SIPA1L1: variants seen among roughly 807,000 people sequenced by gnomAD.
The protein encoded by SIPA1L1 is signal induced proliferation associated 1 like 1, also known as signal-induced proliferation-associated 1-like protein 1.
A neutral mutation model predicts 162.7 loss-of-function variants in SIPA1L1; 26 were observed. The ratio of observed to expected loss-of-function variants is 0.16; its 90% CI spans 0.12 to 0.22. The LOEUF (loss-of-function observed/expected upper bound fraction) is 0.22. Among genes scored for constraint, SIPA1L1 ranks in the 10% least tolerant of loss-of-function variants. SIPA1L1 has a pLI of 1.00. For missense variants in SIPA1L1, 1,874 were observed against 2,241.0 expected (o/e 0.84, Z 3.31); for synonymous variants, 829 against 837.4 (o/e 0.99, Z 0.17).
intron 2 of SIPA1L1, among the ~76,000 whole-genome samples, chr14:71,454,800 A>T (rs569562764): frequency 2.0e-5 from 3 of 152,366 alleles, no homozygotes; most frequent in African/African-American, 4.8e-5. Context: ...TGAAGATCAG[A>T]TAAAGCACAC....
intron 7 of SIPA1L1, among the ~76,000 whole-genome samples, chr14:71,640,455 T>C (rs766533825): frequency 6.6e-6 from 1 of 152,168 alleles, no homozygotes; most frequent in African/African-American, 2.4e-5. Context: ...AGGTTAAGAA[T>C]CTTGGGGCTT....
chr14:71,368,559 A>G (rs2038595872), intron 2 of SIPA1L1, among the ~76,000 whole-genome samples: 1 of 128,018 alleles, frequency 7.8e-6, no homozygotes, highest in East Asian at 2.2e-4. Flanking sequence ...CCAGTCTATC[A>G]TTGTTGGACA....
chr14:71,324,087 G>A (rs947584332), intron 2 of SIPA1L1, among the ~76,000 whole-genome samples: 16 of 152,140 alleles, frequency 1.1e-4, no homozygotes, highest in Admixed American at 2.0e-4. Flanking sequence ...TGTTTCCTGC[G>A]GAGATGGGCT....
intron 2 of SIPA1L1, among the ~76,000 whole-genome samples, chr14:71,469,230 C>T (rs1192187972): frequency 1.3e-5 from 2 of 152,124 alleles, no homozygotes; most frequent in Non-Finnish European, 2.9e-5. Context: ...CTTCCCCAGC[C>T]ACCTAAACCA....
intron 4 of SIPA1L1, among the ~76,000 whole-genome samples, chr14:71,564,880 C>G (rs1253190022): frequency 1.3e-5 from 2 of 152,184 alleles, no homozygotes; most frequent in African/African-American, 4.8e-5. Flanking sequence ...GTTACTTTCA[C>G]AGGTTCTTAT....
intron 13 of SIPA1L1, among the ~76,000 whole-genome samples, chr14:71,689,602 T>C (rs1164984485): frequency 6.6e-6 from 1 of 152,252 alleles, no homozygotes; most frequent in African/African-American, 2.4e-5. Flanking sequence ...TTTGAGGGGC[T>C]TTGGATAAAC....
intron 3 of SIPA1L1, among the ~76,000 whole-genome samples, chr14:71,525,415 C>T (rs1242292916): frequency 6.6e-6 from 1 of 152,158 alleles, no homozygotes; most frequent in African/African-American, 2.4e-5. Flanking sequence ...CATCTCCTGA[C>T]CTCGTGATCC....
At chr14:71,733,309 T>C (rs2084973860) in intron 20 of SIPA1L1, among the ~76,000 whole-genome samples, 2 of 152,210 alleles carry the variant, frequency 1.3e-5, no homozygotes, top group South Asian at 4.1e-4. Flanking sequence ...GGCCTCTTCT[T>C]CCTGGCCCAA....
intron 8 of SIPA1L1, among the ~76,000 whole-genome samples, chr14:71,656,825 C>A (rs553341487): frequency 6.6e-6 from 1 of 152,288 alleles, no homozygotes; most frequent in African/African-American, 2.4e-5. Context: ...GGAGTTACTG[C>A]ATTAGAGCTA....
rs2045034117 is a variant in SIPA1L1, at chr14:71,442,996, T to G, written c.-464-69747T>G. Among the ~76,000 whole-genome samples the G allele has an allele frequency of 2.0e-5, 3 of 152,192 alleles. No homozygotes were observed. The South Asian group carries it at 6.2e-4, about 31-fold the overall frequency. On this transcript the variant is annotated intron_variant, in intron 2 of 23. Transcript: ENST00000381232. ...AAAGAGCCTATGTTTTTGTGACGTC[T>G]TACATTTTCTTAAGGATAATGTATG...
chr14:71,688,770 T>C (rs145292466), intron 13 of SIPA1L1, among the ~76,000 whole-genome samples: 2,125 of 152,306 alleles, frequency 0.014, 40 homozygotes, highest in African/African-American at 0.048. Flanking sequence ...TGAAAATAAA[T>C]GACAGGGTCT....
intron 2 of SIPA1L1, among the ~76,000 whole-genome samples, chr14:71,398,008 AATTTTTTTTT>A (rs1189229195): frequency 3.4e-5 from 3 of 88,706 alleles, no homozygotes; most frequent in Admixed American, 1.4e-4. Context: ...CAAAAAAAAA[AATTTTTTTTT>A]TTTTTTTTTT....
At chr14:71,571,446 A>G (rs1295931594) in intron 4 of SIPA1L1, among the ~76,000 whole-genome samples, 1 of 152,010 alleles carries the variant, frequency 6.6e-6, no homozygotes, top group Non-Finnish European at 1.5e-5. Context: ...CACAAAGACT[A>G]CTCCAGTATT....
At chr14:71,476,693 T>TTTA (rs2047889843) in intron 2 of SIPA1L1, among the ~76,000 whole-genome samples, 1 of 130,080 alleles carries the variant, frequency 7.7e-6, no homozygotes, top group Non-Finnish European at 1.6e-5. Flanking sequence ...TTATTTATTT[T>TTTA]TTGAGATGGA....
At chr14:71,514,458 T>C (rs977067932) in intron 3 of SIPA1L1, among the ~76,000 whole-genome samples, 11 of 152,322 alleles carry the variant, frequency 7.2e-5, no homozygotes, top group South Asian at 2.1e-4. Context: ...CACCCACCCA[T>C]TGAGAACTTA....
chr14:71,502,249 AAAAAAAAT>A (rs1364930351), intron 2 of SIPA1L1, among the ~76,000 whole-genome samples: 2 of 67,082 alleles, frequency 3.0e-5, no homozygotes, highest in Non-Finnish European at 5.8e-5. Context: ...CTTGAAAAAA[AAAAAAAAT>A]ATATATATAT....
intron 3 of SIPA1L1, among the ~76,000 whole-genome samples, chr14:71,521,547 A>G (rs2052354689): frequency 6.6e-6 from 1 of 152,210 alleles, no homozygotes; most frequent in Non-Finnish European, 1.5e-5. Context: ...CCTACTTCAT[A>G]GTAGAAGGAC....
chr14:71,609,987 A>G (rs560168598), intron 5 of SIPA1L1, among the ~76,000 whole-genome samples: 1 of 152,142 alleles, frequency 6.6e-6, no homozygotes, highest in Admixed American at 6.5e-5. Flanking sequence ...AAATTTTGAG[A>G]TATAGTAATG....
intron 7 of SIPA1L1, among the ~76,000 whole-genome samples, chr14:71,643,313 T>A (rs2041889342): frequency 6.6e-6 from 1 of 152,202 alleles, no homozygotes; most frequent in Non-Finnish European, 1.5e-5. Context: ...ATGACTTTTT[T>A]AGTCGTTAGA....
Sources: gnomAD v4.1 joint callset for allele counts (sites outside exome capture counted in the v4.1 genomes callset) on GRCh38, gnomAD v4.1.1 for gene constraint, MANE v1.5 for transcripts, NCBI Gene and HGNC (gene_info 2026-07-23, HGNC 2026-07-21) for gene names.